Variants in ALS2CL observed in about 807,000 individuals in gnomAD.
The protein encoded by ALS2CL is ALS2 C-terminal-like protein.
A neutral mutation model predicts 127.9 loss-of-function variants in ALS2CL; 112 were observed. The ratio of observed to expected loss-of-function variants is 0.88; its 90% confidence interval spans 0.75 to 1.02. ALS2CL has a LOEUF of 1.02. Among genes scored for constraint, ALS2CL ranks in the 50% least tolerant of loss-of-function variants. The probability of loss-of-function intolerance (pLI) is 0.00; values close to 1 mark genes in which losing one functional copy is unlikely to be tolerated. For missense variants in ALS2CL, 1,174 were observed against 1,236.7 expected, an observed-to-expected ratio of 0.95 and a Z score of 0.76; for synonymous variants, 519 against 527.6, an observed-to-expected ratio of 0.98 and a Z score of 0.22.
At position 46,681,424 on chromosome 3, in the gene ALS2CL, A is replaced by G. The variant is rs1699332802; in HGVS notation, c.1275-17T>C. 1 of 1,606,458 alleles carries G rather than the reference A, an allele frequency of 6.2e-7. No individual in the cohort carries two copies. The highest frequency in any genetic ancestry group is 1.3e-5 in the African/African-American group (1 of 74,756). ...GTGCTGTACCTGGGGAGGGCCATCA[A>G]CAACGAGCTCTGCCTCATGGAGCTC... On this transcript the variant is annotated splice_polypyrimidine_tract_variant and intron_variant, in intron 12 of 25. Coordinates refer to ENST00000318962, the MANE Select transcript of ALS2CL (RefSeq NM_147129.5). The surrounding 1 kb of genome is among the most constrained non-coding windows in gnomAD (Gnocchi z 4.9).
chr3:46,683,285 G>C lies in ALS2CL; in HGVS notation c.954C>G (p.Ala318=), dbSNP rs777453223. The change falls in exon 10 of 26, where the codon GCC becomes GCG. Residue 318 remains alanine, a synonymous_variant. Transcript: ENST00000318962. The part of the protein sequence containing the change: ...QWKVTWAVHQ[A]LHGKKDFPVL... ...CGGGGAAGTCCTTCTTCCCATGCAGGGCCTGGTGAACAGCCCAGGTCACCT... is the reference window on the plus strand; with the variant it reads ...CGGGGAAGTCCTTCTTCCCATGCAGCGCCTGGTGAACAGCCCAGGTCACCT... The C allele has an allele frequency of 4.2e-5, 67 of 1,603,214 alleles. No homozygotes were observed. The highest frequency in any genetic ancestry group is 5.5e-5 in the Non-Finnish European group (65 of 1,174,842).
intron 14 of ALS2CL, 126 bp from the exon 15 acceptor site, chr3:46,679,413 T>A: frequency 1.2e-6 from 1 of 812,822 alleles, no homozygotes; most frequent in Non-Finnish European, 2.0e-6. Flanking sequence ...GCCCTGAGCC[T>A]CATCACGCCC....
Position 46,684,137 on chromosome 3 carries a change from T to G in ALS2CL, c.787-90A>C, listed in dbSNP as rs957532244. On this transcript the variant is annotated intron_variant, in intron 7 of 25. Coordinates refer to ENST00000318962, the MANE Select transcript of ALS2CL (RefSeq NM_147129.5). Reference sequence around the variant, plus strand: ...AAGGCTTGCCCCAAGCTCAACCTTGTGTGGCCACCAAGGCTATTCTGCCCA... The same window carrying G: ...AAGGCTTGCCCCAAGCTCAACCTTGGGTGGCCACCAAGGCTATTCTGCCCA... The G allele has an allele frequency of 2.1e-6, 3 of 1,425,984 alleles. No homozygotes were observed. The East Asian group carries it at 7.5e-5, about 35-fold the overall frequency. The allele number at this position is 1,425,984 out of a possible 1,614,324, so 88.3% of individuals were successfully genotyped here.
chr3:46,671,542 C>A lies in ALS2CL; in HGVS notation c.2727G>T (p.Met909Ile). The change falls in exon 25 of 26, where the codon ATG (methionine) becomes ATT (isoleucine). Residue 909 changes from methionine (M) to isoleucine (I), a missense_variant. Physicochemically the swap from Met to Ile is conservative, Grantham distance 10. Transcript: ENST00000318962. ...LGAEIHLIRD[M>I]MDPNHTGGLY... ...GGCCTCCTGTGTGGTTGGGGTCCATCATGTCACGGATCAGGTGGATCTCGG... is the reference window on the plus strand; with the variant it reads ...GGCCTCCTGTGTGGTTGGGGTCCATAATGTCACGGATCAGGTGGATCTCGG... 1 of 1,614,042 alleles carries A rather than the reference C, an allele frequency of 6.2e-7. No individual in the cohort carries two copies. Among genetic ancestry groups the A allele is most frequent in the East Asian group, 2.2e-5 (1 of 44,868 alleles).
Position 46,683,261 on chromosome 3 carries a change from G to A in ALS2CL, c.978C>T (p.Pro326=), listed in dbSNP as rs780952670. 1.1e-5 allele frequency: 17 copies of A among 1,609,632 alleles called. No individual in the cohort carries two copies. The highest frequency in any genetic ancestry group is 2.7e-5 in the African/African-American group (2 of 74,826). The change falls in exon 10 of 26, where the codon CCC becomes CCT. Residue 326 remains proline (P), a synonymous_variant. Coordinates refer to ENST00000318962, the MANE Select transcript of ALS2CL (RefSeq NM_147129.5). The part of the protein sequence containing the change: ...HQALHGKKDF[P]VLGAGLEPSQ... ...AGGGCTCCAGGCCAGCCCCCAGCAC[G>A]GGGAAGTCCTTCTTCCCATGCAGGG...
In ALS2CL at chr3:46,689,321, A is replaced by G; in HGVS notation, c.103+17T>C. The G allele has an allele frequency of 1.2e-6, 2 of 1,611,614 alleles. No homozygotes were observed. Among genetic ancestry groups the G allele is most frequent in the East Asian group, 4.5e-5 (2 of 44,850 alleles). On this transcript the variant is annotated intron_variant, in intron 2 of 25. Coordinates refer to ENST00000318962, the MANE Select transcript of ALS2CL (RefSeq NM_147129.5). The stretch of plus-strand genomic sequence containing the variant: ...TCCTCGGTGCCCTTCCCTCCCCACT[A>G]GAAAGCCTAGACTCACCGGCTGGGA...
intron 13 of ALS2CL, chr3:46,680,869 G>A: frequency 1.3e-5 from 7 of 528,428 alleles, no homozygotes; most frequent in South Asian, 1.1e-4. Context: ...AAGGCTGGAG[G>A]GGTGCCCAGG....
chr3:46,689,926 C>A (rs72899352), intron 1 of ALS2CL, among the ~76,000 whole-genome samples: 2 of 152,182 alleles, frequency 1.3e-5, no homozygotes, highest in African/African-American at 4.8e-5. Flanking sequence ...GCCCATGGTT[C>A]GGGACTCCCT....
intron 14 of ALS2CL, 28 bp downstream of exon 14, chr3:46,680,402 G>A (rs1470654987): frequency 1.9e-6 from 3 of 1,601,176 alleles, no homozygotes; most frequent in Non-Finnish European, 2.6e-6. Context: ...TGCAAAGAGA[G>A]GGATAGCCCA....
chr3:46,692,132 G>A (rs1700194797), intron 1 of ALS2CL, among the ~76,000 whole-genome samples: 1 of 152,168 alleles, frequency 6.6e-6, no homozygotes, highest in South Asian at 2.1e-4. Context: ...GTGAGGCAGT[G>A]GGTTGGGGGA....
chr3:46,674,458 C>G, intron 21 of ALS2CL, 108 bp downstream of exon 21: 1 of 1,395,524 alleles, frequency 7.2e-7, no homozygotes, highest in Non-Finnish European at 9.8e-7. Flanking sequence ...AAGCTTAGAA[C>G]TTGGTGGGTA....
rs1344279515 is a variant in ALS2CL at position 46,686,614 on chromosome 3, C to G, written c.535-175G>C. Among the ~76,000 whole-genome samples the G allele has an allele frequency of 6.6e-6, 1 of 152,142 alleles. No individual in the cohort carries two copies. The highest frequency in any genetic ancestry group is 1.5e-5 in the Non-Finnish European group (1 of 68,010). The stretch of plus-strand genomic sequence containing the variant: ...GTGGAATATGAAGGTGCTTCCCCAG[C>G]TTGGCCCTGGGCCCACGTGTCCTCA... On this transcript the variant is annotated intron_variant, in intron 5 of 25. Coordinates refer to ENST00000318962, the MANE Select transcript of ALS2CL (RefSeq NM_147129.5). This position sits in a 1 kb window ranked among gnomAD's most constrained non-coding sequence, Gnocchi z 4.3.
Position 46,674,671 on chromosome 3 carries a change from A to G in ALS2CL, c.2324T>C (p.Leu775Pro). The change falls in exon 21 of 26, where the codon CTC becomes CCC. Residue 775 changes from leucine (L) to proline (P), a missense_variant. Transcript: ENST00000318962. ...CTCCCGCTCATGAAGCAGCAGGTAG[A>G]GCGTGAAGAGCTCTGAGTAGAAGCT... ...LPSFYSELFTLYLLLHEREDS... is the reference protein window; with the variant it reads ...LPSFYSELFTPYLLLHEREDS... The G allele has an allele frequency of 6.2e-7, 1 of 1,614,138 alleles. No homozygotes were observed.
Position 46,676,240 on chromosome 3 carries a change from C to A in ALS2CL, c.2186+5G>T. The A allele has an allele frequency of 6.2e-7, 1 of 1,611,484 alleles. No individual in the cohort carries two copies. The highest frequency in any genetic ancestry group is 8.5e-7 in the Non-Finnish European group (1 of 1,178,854). On this transcript the variant is annotated splice_donor_5th_base_variant and intron_variant, in intron 19 of 25. Coordinates refer to ENST00000318962, the MANE Select transcript of ALS2CL (RefSeq NM_147129.5). ...AGTAGCTGTCCCGTTTGCCACCGAGCCCACCTGTAGGCAGCCCAGAGTTCC... is the reference window on the plus strand; with the variant it reads ...AGTAGCTGTCCCGTTTGCCACCGAGACCACCTGTAGGCAGCCCAGAGTTCC...
At chr3:46,675,490 T>C (rs1486182086) in intron 20 of ALS2CL, 128 bp downstream of exon 20, 2 of 870,882 alleles carry the variant, frequency 2.3e-6, no homozygotes, top group Middle Eastern at 3.3e-4. Flanking sequence ...CAATGCACAA[T>C]GTTTGGTCAA....
At chr3:46,677,382 T>C (rs1284064124) in intron 16 of ALS2CL, 9 of 1,082,782 alleles carry the variant, frequency 8.3e-6, no homozygotes, top group South Asian at 3.0e-5. Context: ...CATCCCCCTC[T>C]GCCCTCCCTT....
At chr3:46,679,135 G>A in intron 15 of ALS2CL, 75 bp downstream of exon 15, 1 of 1,442,254 alleles carries the variant, frequency 6.9e-7, no homozygotes, top group Non-Finnish European at 9.4e-7. Context: ...CCCCAGCCCT[G>A]AGTCTAAGTG....
chr3:46,687,745 G>T, intron 3 of ALS2CL, 61 bp from the exon 4 acceptor site: 1 of 1,529,728 alleles, frequency 6.5e-7, no homozygotes. Context: ...CTAAGCCCCT[G>T]GTCCCTGGGA....
rs931896238 is a variant in ALS2CL at position 46,672,960 on chromosome 3, C to T, written c.2472+379G>A. ...GGCGGAGGTTGCAGTGAGCTGAGAT[C>T]GCACCACTGCACTCTAACCCGGGCG... On this transcript the variant is annotated intron_variant, in intron 22 of 25. Coordinates refer to ENST00000318962, the MANE Select transcript of ALS2CL (RefSeq NM_147129.5). 2.6e-5 allele frequency among the ~76,000 whole-genome samples: 4 copies of T among 152,216 alleles called. No homozygotes were observed. The East Asian group carries it at 5.8e-4, about 22-fold the overall frequency.
Sources: gnomAD v4.1 joint callset for allele counts (sites outside exome capture counted in the v4.1 genomes callset) on GRCh38, gnomAD v4.1.1 for gene constraint, Gnocchi (gnomAD v3.1) non-coding constraint, MANE v1.5 for transcripts, NCBI Gene and HGNC (gene_info 2026-07-23, HGNC 2026-07-21) for gene names.